HECW1: variants seen among roughly 807,000 people sequenced by gnomAD.
HECW1 encodes E3 ubiquitin-protein ligase HECW1.
In HECW1, 61 loss-of-function variants were observed where a neutral mutation model predicts 182.3. That is an observed-to-expected ratio of 0.33 (90% CI 0.27 to 0.41). The LOEUF (loss-of-function observed/expected upper bound fraction) is 0.41. Among genes scored for constraint, HECW1 ranks in the 10% least tolerant of loss-of-function variants. HECW1 has a pLI of 1.00. For missense variants in HECW1, 1,739 were observed against 2,108.9 expected (o/e 0.82, Z 3.44); for synonymous variants, 859 against 832.6 (o/e 1.03, Z -0.55).
At chr7:43,199,176 G>T (rs758387143) in intron 2 of HECW1, among the ~76,000 whole-genome samples, 1 of 152,166 alleles carries the variant, frequency 6.6e-6, no homozygotes, top group South Asian at 2.1e-4. Context: ...CCTTCTGCAC[G>T]CCTGGTCTCT....
rs148698351 is a variant in HECW1, at chr7:43,243,346, GACA to G, written c.-31-524_-31-522del. Among the ~76,000 whole-genome samples, 1,950 of 152,254 alleles carry G rather than the reference GACA, an allele frequency of 0.013. 39 individuals are homozygous for G. The highest frequency in any genetic ancestry group is 0.044 in the African/African-American group (1,839 of 41,536). ...TATTGTGGTGACAGTCACTCCGCAG[GACA>G]ACAAGTGGAAGGGGATGGCACTTCT... On this transcript the variant is annotated intron_variant, in intron 2 of 29. Coordinates refer to ENST00000395891, the MANE Select transcript of HECW1 (RefSeq NM_015052.5). This position sits in a 1 kb window ranked among gnomAD's most constrained non-coding sequence, Gnocchi z 4.0.
At chr7:43,125,902 T>G (rs913949775) in intron 2 of HECW1, among the ~76,000 whole-genome samples, 1 of 151,764 alleles carries the variant, frequency 6.6e-6, no homozygotes, top group Non-Finnish European at 1.5e-5. Context: ...AGTGAACTCA[T>G]AACTTCCTCA....
intron 2 of HECW1, among the ~76,000 whole-genome samples, chr7:43,229,382 C>A (rs1380419138): frequency 5.9e-5 from 9 of 152,102 alleles, no homozygotes; most frequent in East Asian, 5.8e-4. Context: ...CAGAAAAAAA[C>A]CAAAGACAGC....
At chr7:43,120,138 G>C (rs1244556532) in intron 2 of HECW1, among the ~76,000 whole-genome samples, 1 of 152,160 alleles carries the variant, frequency 6.6e-6, no homozygotes, top group Non-Finnish European at 1.5e-5. Context: ...CCCTGTTCAG[G>C]ATGAAACCCA....
In HECW1 at chr7:43,477,633, T is replaced by G. The variant is rs112079889; in HGVS notation, c.3100-1977T>G. On this transcript the variant is annotated intron_variant, in intron 16 of 29. Coordinates refer to ENST00000395891, the MANE Select transcript of HECW1 (RefSeq NM_015052.5). ...CAGCCCTTTTTGAATCTGTGTGGCA[T>G]GCTATCTTGGGGAATTTTACTGCAA... 2.6e-3 allele frequency among the ~76,000 whole-genome samples: 391 copies of G among 152,330 alleles called. 3 individuals are homozygous for G. Among genetic ancestry groups the G allele is most frequent in the African/African-American group, 8.8e-3 (368 of 41,588 alleles).
chr7:43,166,679 A>C (rs1023652285), intron 2 of HECW1, among the ~76,000 whole-genome samples: 5 of 152,248 alleles, frequency 3.3e-5, no homozygotes, highest in African/African-American at 9.6e-5. Flanking sequence ...ATGATTCATA[A>C]CTTGAGAGGA....
At chr7:43,251,307 CTTTTTTTCTTTT>C (rs1208828354) in intron 3 of HECW1, among the ~76,000 whole-genome samples, 2 of 152,066 alleles carry the variant, frequency 1.3e-5, no homozygotes, top group African/African-American at 4.8e-5. Flanking sequence ...TAGTTTCTTT[CTTTTTTTCTTTT>C]ATTTTTTTGA....
rs1393343969 is a variant in HECW1 at position 43,345,111 on chromosome 7, C to A, written c.461-15775C>A. Among the ~76,000 whole-genome samples the A allele has an allele frequency of 2.0e-5, 3 of 152,134 alleles. No homozygotes were observed. In the East Asian group the frequency reaches 5.8e-4, roughly 29 times the overall value. On this transcript the variant is annotated intron_variant, in intron 5 of 29. Coordinates refer to ENST00000395891, the MANE Select transcript of HECW1 (RefSeq NM_015052.5). ...AAGGGAGGAGAGAGCAGAAGAGGAA[C>A]TTATGTTGAACAGGTTGGCCAAGTA...
intron 11 of HECW1, among the ~76,000 whole-genome samples, chr7:43,447,329 CA>C (rs770871302): frequency 1.4e-4 from 22 of 152,072 alleles, no homozygotes; most frequent in Non-Finnish European, 2.4e-4. Flanking sequence ...TCATGTTTTA[CA>C]AACAAAAAAG....
intron 2 of HECW1, among the ~76,000 whole-genome samples, chr7:43,154,643 G>C (rs940716831): frequency 6.6e-6 from 1 of 152,086 alleles, no homozygotes; most frequent in African/African-American, 2.4e-5. Flanking sequence ...TGAAATTTTT[G>C]CCCCTAGCAT....
chr7:43,392,024 T>C (rs1358233369), intron 6 of HECW1, among the ~76,000 whole-genome samples: 1 of 152,206 alleles, frequency 6.6e-6, no homozygotes, highest in East Asian at 1.9e-4. Flanking sequence ...CGTAATTCCC[T>C]ACTTTCAGCT....
At chr7:43,325,430 G>A (rs1477597546) in intron 5 of HECW1, among the ~76,000 whole-genome samples, 1 of 152,108 alleles carries the variant, frequency 6.6e-6, no homozygotes, top group Non-Finnish European at 1.5e-5. Context: ...GGCTTGGATT[G>A]CCCCAGAACA....
At chr7:43,475,540 TTAAA>T in intron 16 of HECW1, among the ~76,000 whole-genome samples, 1 of 151,536 alleles carries the variant, frequency 6.6e-6, no homozygotes, top group South Asian at 2.1e-4. Flanking sequence ...TTGATAAAAA[TTAAA>T]TATTTATTTA....
At position 43,432,852 on chromosome 7, in the gene HECW1, A is replaced by G. The variant is rs1177172559; in HGVS notation, c.802-5151A>G. On this transcript the variant is annotated intron_variant, in intron 8 of 29. Transcript: ENST00000395891. This position sits in a 1 kb window ranked among gnomAD's most constrained non-coding sequence, Gnocchi z 4.1. ...AGTTCAATTTATAAAAGTTCTGTTT[A>G]GAGGCGATCTACCTCAGATCTTTTC... Among the ~76,000 whole-genome samples the G allele has an allele frequency of 1.3e-5, 2 of 152,392 alleles. No homozygotes were observed. The highest frequency in any genetic ancestry group is 3.4e-3 in the Middle Eastern group (1 of 294).
At chr7:43,325,753 A>T (rs986325424) in intron 5 of HECW1, among the ~76,000 whole-genome samples, 22 of 151,926 alleles carry the variant, frequency 1.4e-4, no homozygotes. Context: ...CTCATCCCGG[A>T]TCCCACCTCA....
Position 43,554,919 on chromosome 7 carries a change from T to C in HECW1, c.4709+129T>C, listed in dbSNP as rs1160739308. ...GTCACCCAAAGTATTGTCATTGGAG[T>C]TATTAGGGAAAGGTGAAGGTGAGGT... On this transcript the variant is annotated intron_variant, in intron 29 of 29. Coordinates refer to ENST00000395891, the MANE Select transcript of HECW1 (RefSeq NM_015052.5). The C allele has an allele frequency of 4.8e-6, 4 of 831,102 alleles. No homozygotes were observed. The African/African-American group carries it at 6.9e-5, about 14-fold the overall frequency. The allele number at this position is 831,102 out of a possible 1,614,324, so 51.5% of individuals were successfully genotyped here. A position where few individuals can be genotyped will look rare whatever the true frequency, so the allele number is the denominator to read the frequency against.
At position 43,433,298 on chromosome 7, in the gene HECW1, A is replaced by G. The variant is rs763689928; in HGVS notation, c.802-4705A>G. On this transcript the variant is annotated intron_variant, in intron 8 of 29. Coordinates refer to ENST00000395891, the MANE Select transcript of HECW1 (RefSeq NM_015052.5). Reference sequence around the variant, plus strand: ...TTTCCTAACTGTAACATTATTTGATATTAAAATAGATTATTACTGAGAGAA... The same window carrying G: ...TTTCCTAACTGTAACATTATTTGATGTTAAAATAGATTATTACTGAGAGAA... Among the ~76,000 whole-genome samples, 8 of 152,256 alleles carry G rather than the reference A, an allele frequency of 5.3e-5. 1 individual carries two copies. In the South Asian group the frequency reaches 1.7e-3, roughly 32 times the overall value.
intron 2 of HECW1, among the ~76,000 whole-genome samples, chr7:43,216,363 C>T (rs1796442113): frequency 6.6e-6 from 1 of 152,132 alleles, no homozygotes; most frequent in South Asian, 2.1e-4. Context: ...CCAGGCTGAT[C>T]TCAAACTCCT....
intron 2 of HECW1, among the ~76,000 whole-genome samples, chr7:43,161,314 A>G (rs975683756): frequency 1.3e-5 from 2 of 152,046 alleles, no homozygotes; most frequent in African/African-American, 4.8e-5. Context: ...CCTATTGGTA[A>G]TGTTTTAGAT....
Sources: gnomAD v4.1 joint callset for allele counts (sites outside exome capture counted in the v4.1 genomes callset) on GRCh38, gnomAD v4.1.1 for gene constraint, Gnocchi (gnomAD v3.1) non-coding constraint, MANE v1.5 for transcripts, NCBI Gene and HGNC (gene_info 2026-07-23, HGNC 2026-07-21) for gene names.